VAV2: variants seen among roughly 807,000 people sequenced by gnomAD.
The protein encoded by VAV2 is vav guanine nucleotide exchange factor 2.
Under a neutral mutation model 132.5 loss-of-function variants are expected in VAV2, and 67 were observed. The observed-to-expected ratio is 0.51, with a 90% CI of 0.42 to 0.62. The LOEUF (loss-of-function observed/expected upper bound fraction) is 0.62, where lower values mean the gene tolerates loss of function less well. Among genes scored for constraint, VAV2 ranks in the 20% least tolerant of loss-of-function variants. VAV2 has a pLI of 0.00. For missense variants in VAV2, 938 were observed against 1,153.6 expected (o/e 0.81, Z 2.71); for synonymous variants, 492 against 443.5 (o/e 1.11, Z -1.37).
chr9:133,796,984 G>A (rs188630161), intron 10 of VAV2, among the ~76,000 whole-genome samples: 1 of 152,208 alleles, frequency 6.6e-6, no homozygotes, highest in Non-Finnish European at 1.5e-5. Flanking sequence ...AGGAACCAGG[G>A]CATTCCCCCA....
intron 2 of VAV2, among the ~76,000 whole-genome samples, chr9:133,869,224 G>C (rs909803325): frequency 2.0e-5 from 3 of 152,020 alleles, no homozygotes; most frequent in Admixed American, 2.0e-4. Context: ...CTAACCTCAG[G>C]TGATCCGCCC....
At chr9:133,793,276 G>A (rs376014889) in intron 12 of VAV2, among the ~76,000 whole-genome samples, 4 of 152,044 alleles carry the variant, frequency 2.6e-5, no homozygotes, top group Non-Finnish European at 5.9e-5. Context: ...CCTGCCCCCC[G>A]AGAGCAGCGG....
chr9:133,857,903 GC>G lies in VAV2; in HGVS notation c.380+3470del, dbSNP rs1837445604. Among the ~76,000 whole-genome samples the G allele has an allele frequency of 6.6e-6, 1 of 152,220 alleles. No individual in the cohort carries two copies. Among genetic ancestry groups the G allele is most frequent in the Non-Finnish European group, 1.5e-5 (1 of 68,022 alleles). On this transcript the variant is annotated intron_variant, in intron 3 of 29. Coordinates refer to ENST00000371850, the MANE Select transcript of VAV2 (RefSeq NM_001134398.2). This position sits in a 1 kb window ranked among gnomAD's most constrained non-coding sequence, Gnocchi z 4.0. The stretch of plus-strand genomic sequence containing the variant: ...TGGAGGAGAAGGGCAGGAAAGCCAG[GC>G]CCCGGGGAGGAGGGCCTGCAGAGGT...
chr9:133,917,992 C>G (rs1840161682), intron 2 of VAV2, among the ~76,000 whole-genome samples: 1 of 148,900 alleles, frequency 6.7e-6, no homozygotes, highest in African/African-American at 2.5e-5. Context: ...CTCCCAGATT[C>G]TCCTTCACTG....
At chr9:133,930,555 G>A (rs1484283448) in intron 2 of VAV2, among the ~76,000 whole-genome samples, 2 of 152,268 alleles carry the variant, frequency 1.3e-5, no homozygotes, top group Non-Finnish European at 2.9e-5. Context: ...TGCCTTGCTA[G>A]TCAGAGGGAA....
At chr9:133,951,817 C>T (rs2810537) in intron 1 of VAV2, among the ~76,000 whole-genome samples, 100,424 of 151,872 alleles carry the variant, frequency 0.66, 33,397 homozygotes, top group East Asian at 0.79. Flanking sequence ...CTTCAGGAAG[C>T]GTAGTTATCT....
intron 2 of VAV2, among the ~76,000 whole-genome samples, chr9:133,880,918 T>G (rs908772540): frequency 1.3e-5 from 2 of 152,204 alleles, no homozygotes; most frequent in African/African-American, 4.8e-5. Context: ...TGGAGGCAGG[T>G]GAACTGCAAG....
intron 2 of VAV2, among the ~76,000 whole-genome samples, chr9:133,864,084 G>A (rs1033482394): frequency 1.3e-5 from 2 of 152,166 alleles, no homozygotes; most frequent in African/African-American, 2.4e-5. Context: ...CGACTCTTCC[G>A]ATATCGCAAA....
intron 2 of VAV2, among the ~76,000 whole-genome samples, chr9:133,903,357 C>G (rs1839518445): frequency 6.6e-6 from 1 of 152,286 alleles, no homozygotes; most frequent in East Asian, 1.9e-4. Flanking sequence ...GGGTGGTGCT[C>G]CCGGCTCAGG....
chr9:133,937,433 T>TGTGG (rs912335812), intron 2 of VAV2, among the ~76,000 whole-genome samples: 1 of 147,640 alleles, frequency 6.8e-6, no homozygotes, highest in African/African-American at 2.5e-5. Flanking sequence ...TCTGTGTGTG[T>TGTGG]GTGTATGTGA....
At chr9:133,953,999 G>A (rs2132191494) in intron 1 of VAV2, among the ~76,000 whole-genome samples, 1 of 150,280 alleles carries the variant, frequency 6.7e-6, no homozygotes, top group South Asian at 2.1e-4. Context: ...CCACATGTGG[G>A]ACAACCCACT....
chr9:133,785,818 T>C lies in VAV2; in HGVS notation c.1490A>G (p.Glu497Gly). The C allele has an allele frequency of 6.2e-7, 1 of 1,614,084 alleles. No homozygotes were observed. The highest frequency in any genetic ancestry group is 8.5e-7 in the Non-Finnish European group (1 of 1,180,028). ...CTCCATCCACTTCCTCTTCATATCT[T>C]CTGTTTTGCAGAAAAACTGGAAGCC... Reference protein sequence around the residue: ...KQGFQFFCKTEDMKRKWMEQF... With the variant: ...KQGFQFFCKTGDMKRKWMEQF... Residue 497 changes from glutamate to glycine, a missense_variant, in exon 17 of 30, where the codon GAA (glutamate) becomes GGA (glycine). Physicochemically the swap from Glu to Gly is moderately conservative, Grantham distance 98. Coordinates refer to ENST00000371850, the MANE Select transcript of VAV2 (RefSeq NM_001134398.2).
chr9:133,971,814 G>T (rs1256061355), intron 1 of VAV2, among the ~76,000 whole-genome samples: 1 of 152,188 alleles, frequency 6.6e-6, no homozygotes, highest in African/African-American at 2.4e-5. Context: ...GAGGCGGCCA[G>T]GGCTTCCCCC....
chr9:133,783,241 G>A (rs1834073231), intron 19 of VAV2, among the ~76,000 whole-genome samples: 1 of 152,166 alleles, frequency 6.6e-6, no homozygotes, highest in Admixed American at 6.5e-5. Flanking sequence ...GTGGGGCAGG[G>A]GATGCAGGAG....
At chr9:133,965,928 A>G (rs1177252372) in intron 1 of VAV2, among the ~76,000 whole-genome samples, 2 of 152,244 alleles carry the variant, frequency 1.3e-5, no homozygotes. Context: ...CTGGCATAAA[A>G]ACAAAACACA....
chr9:133,774,872 G>T, intron 25 of VAV2, 63 bp downstream of exon 25: 1 of 1,418,142 alleles, frequency 7.1e-7, no homozygotes, highest in East Asian at 2.3e-5. Flanking sequence ...GGAGAGGATG[G>T]TGCTCTCCAC....
intron 29 of VAV2, among the ~76,000 whole-genome samples, chr9:133,766,833 T>C (rs1329852793): frequency 1.3e-5 from 2 of 148,880 alleles, no homozygotes; most frequent in East Asian, 3.9e-4. Flanking sequence ...GGTTTGAATA[T>C]ATATAGAATT....
chr9:133,982,470 G>A (rs1013479052), intron 1 of VAV2, among the ~76,000 whole-genome samples: 8 of 151,808 alleles, frequency 5.3e-5, no homozygotes, highest in Non-Finnish European at 1.0e-4. Context: ...GGCAGGGCAG[G>A]AGGCCCCAAG....
At chr9:133,955,383 C>T (rs963219208) in intron 1 of VAV2, among the ~76,000 whole-genome samples, 2 of 150,162 alleles carry the variant, frequency 1.3e-5, no homozygotes, top group African/African-American at 4.9e-5. Context: ...CCTTACTCCC[C>T]GCCCACGCTC....
Sources: allele counts gnomAD v4.1 joint callset (sites outside exome capture counted in the v4.1 genomes callset), GRCh38; gene constraint gnomAD v4.1.1; non-coding constraint Gnocchi (gnomAD v3.1); transcripts MANE v1.5; gene names NCBI Gene and HGNC (gene_info 2026-07-23, HGNC 2026-07-21).